Variants in FGF14 observed in about 807,000 individuals in gnomAD.
FGF14 encodes the protein fibroblast growth factor 14, also known as fibroblast growth factor homologous factor 4.
A neutral mutation model predicts 25.5 loss-of-function variants in FGF14; 5 were observed. That is an observed-to-expected ratio of 0.20 (90% CI 0.10 to 0.41). FGF14 has a LOEUF of 0.41. Among genes scored for constraint, FGF14 ranks in the 10% least tolerant of loss-of-function variants. FGF14 has a pLI of 1.00. For missense variants in FGF14, 222 were observed against 320.1 expected, an observed-to-expected ratio of 0.69 and a Z score of 2.34; for synonymous variants, 138 against 118.3, an observed-to-expected ratio of 1.17 and a Z score of -1.08.
chr13:101,906,618 C>T (rs1312240627), intron 1 of FGF14, among the ~76,000 whole-genome samples: 2 of 152,016 alleles, frequency 1.3e-5, no homozygotes, highest in Non-Finnish European at 2.9e-5. Flanking sequence ...ATTCATGTCT[C>T]GTTGTTGAGC....
At chr13:101,942,711 A>C (rs1446914682) in intron 1 of FGF14, among the ~76,000 whole-genome samples, 2 of 152,246 alleles carry the variant, frequency 1.3e-5, no homozygotes, top group African/African-American at 4.8e-5. Flanking sequence ...CTGTAAAAGA[A>C]GTAGCTAAAC....
At chr13:101,983,532 T>G (rs115096969) in intron 1 of FGF14, among the ~76,000 whole-genome samples, 2 of 152,106 alleles carry the variant, frequency 1.3e-5, no homozygotes, top group African/African-American at 4.8e-5. Context: ...AACATTTTAA[T>G]GTCTTTGATT....
At chr13:102,027,379 T>C (rs1402037062) in intron 1 of FGF14, among the ~76,000 whole-genome samples, 1 of 151,818 alleles carries the variant, frequency 6.6e-6, no homozygotes, top group African/African-American at 2.4e-5. Flanking sequence ...CAAATGTTCT[T>C]CTTTCAGTAT....
intron 1 of FGF14, chr13:102,367,365 C>G (rs1341167580): frequency 6.6e-6 from 1 of 152,250 alleles, no homozygotes; most frequent in African/African-American, 2.4e-5. Flanking sequence ...TCTAGTGTCC[C>G]CACCTGATGG....
chr13:102,054,162 G>C (rs896085195), intron 1 of FGF14, among the ~76,000 whole-genome samples: 20 of 152,156 alleles, frequency 1.3e-4, no homozygotes, highest in African/African-American at 4.8e-4. Flanking sequence ...TGATGTGAGA[G>C]AATACTGAGT....
At chr13:102,060,395 G>A (rs936062085) in intron 1 of FGF14, among the ~76,000 whole-genome samples, 17 of 152,110 alleles carry the variant, frequency 1.1e-4, no homozygotes, top group East Asian at 5.8e-4. Flanking sequence ...GCATGGTGGC[G>A]GGCGCCTGTA....
chr13:102,107,527 T>C (rs954082846), intron 1 of FGF14, among the ~76,000 whole-genome samples: 23 of 151,938 alleles, frequency 1.5e-4, no homozygotes, highest in African/African-American at 5.5e-4. Context: ...CCTGAGGAAG[T>C]GGAGGAGAAT....
intron 1 of FGF14, among the ~76,000 whole-genome samples, chr13:102,245,957 T>C (rs1487898203): frequency 6.6e-6 from 1 of 152,110 alleles, no homozygotes; most frequent in Non-Finnish European, 1.5e-5. Flanking sequence ...TTTTTCCTAC[T>C]TACCACTTGA....
intron 1 of FGF14, among the ~76,000 whole-genome samples, chr13:101,929,741 A>C (rs984750370): frequency 1.3e-5 from 2 of 152,228 alleles, no homozygotes; most frequent in African/African-American, 4.8e-5. Context: ...ATATATACAT[A>C]TATGCACATA....
intron 1 of FGF14, among the ~76,000 whole-genome samples, chr13:102,062,774 C>T (rs1440134423): frequency 6.6e-6 from 1 of 152,034 alleles, no homozygotes. Flanking sequence ...TTCTTTCAGA[C>T]CATTATGGAA....
At chr13:102,380,430 T>G (rs1247857187) in intron 1 of FGF14, among the ~76,000 whole-genome samples, 1 of 152,190 alleles carries the variant, frequency 6.6e-6, no homozygotes, top group African/African-American at 2.4e-5. Context: ...TTTTGCTATC[T>G]AGTTAACTCC....
chr13:102,009,999 G>A (rs2039997409), intron 1 of FGF14, among the ~76,000 whole-genome samples: 1 of 152,150 alleles, frequency 6.6e-6, no homozygotes, highest in Non-Finnish European at 1.5e-5. Flanking sequence ...GTTGAATGAT[G>A]AAAATAATAT....
intron 3 of FGF14, among the ~76,000 whole-genome samples, chr13:101,756,716 G>A (rs2037686082): frequency 6.6e-6 from 1 of 152,154 alleles, no homozygotes; most frequent in African/African-American, 2.4e-5. Context: ...CTGGGTGACA[G>A]AGCAAGACTC....
intron 1 of FGF14, among the ~76,000 whole-genome samples, chr13:101,982,785 G>A (rs1054297327): frequency 6.6e-6 from 1 of 152,154 alleles, no homozygotes; most frequent in African/African-American, 2.4e-5. Flanking sequence ...TTTATTGTCT[G>A]ACTTAAATAT....
intron 1 of FGF14, among the ~76,000 whole-genome samples, chr13:102,358,795 G>A (rs1056668793): frequency 6.6e-6 from 1 of 152,060 alleles, no homozygotes; most frequent in African/African-American, 2.4e-5. Context: ...TATAATGAAT[G>A]GAGTTAAACC....
chr13:102,124,278 T>C (rs745529142), intron 1 of FGF14, among the ~76,000 whole-genome samples: 14 of 152,084 alleles, frequency 9.2e-5, no homozygotes, highest in Non-Finnish European at 1.8e-4. Context: ...GGTGTGGATC[T>C]GGGACAAAAG....
intron 1 of FGF14, among the ~76,000 whole-genome samples, chr13:102,179,453 A>T (rs865963168): frequency 3.3e-5 from 5 of 152,106 alleles, no homozygotes; most frequent in Non-Finnish European, 5.9e-5. Flanking sequence ...AGGCCTGCAC[A>T]TTCCTTAACA....
chr13:102,054,276 A>G (rs550750403), intron 1 of FGF14, among the ~76,000 whole-genome samples: 1 of 152,320 alleles, frequency 6.6e-6, no homozygotes, highest in African/African-American at 2.4e-5. Context: ...AATGTATCAC[A>G]AAGAGTGCTT....
At chr13:101,790,395 G>A (rs2040165844) in intron 3 of FGF14, among the ~76,000 whole-genome samples, 1 of 141,906 alleles carries the variant, frequency 7.0e-6, no homozygotes, top group South Asian at 2.3e-4. Flanking sequence ...TTACTAGCTG[G>A]CTCTATTCAT....
Sources: gnomAD v4.1 joint callset for allele counts (sites outside exome capture counted in the v4.1 genomes callset) on GRCh38, gnomAD v4.1.1 for gene constraint, MANE v1.5 for transcripts, NCBI Gene and HGNC (gene_info 2026-07-23, HGNC 2026-07-21) for gene names.